Variants in TMEM132B observed in about 807,000 individuals in gnomAD.
TMEM132B encodes transmembrane protein 132B.
In TMEM132B, 18 loss-of-function variants were observed where a neutral mutation model predicts 90.8. The ratio of observed to expected loss-of-function variants is 0.20; its 90% CI spans 0.14 to 0.29. The LOEUF (loss-of-function observed/expected upper bound fraction) is 0.29. Ranked by LOEUF, TMEM132B falls within the 10% of genes least tolerant of loss-of-function variation. The pLI, the probability that TMEM132B is intolerant of heterozygous loss-of-function variation, is 1.00. For synonymous variants in TMEM132B, 504 were observed against 523.3 expected (o/e 0.96, Z 0.50); for missense variants, 1,096 against 1,326.8 (o/e 0.83, Z 2.70).
chr12:125,405,358 C>T (rs1321608337), intron 2 of TMEM132B, among the ~76,000 whole-genome samples: 1 of 152,114 alleles, frequency 6.6e-6, no homozygotes, highest in East Asian at 1.9e-4. Context: ...GATTTACAGC[C>T]CACCCTAAAT....
intron 3 of TMEM132B, among the ~76,000 whole-genome samples, chr12:125,478,915 G>A (rs955956063): frequency 3.3e-5 from 5 of 152,154 alleles, no homozygotes; most frequent in South Asian, 2.1e-4. Context: ...CAGATCTCTC[G>A]GCAGAAACCC....
At chr12:125,647,137 G>A (rs1886784473) in intron 6 of TMEM132B, among the ~76,000 whole-genome samples, 1 of 152,170 alleles carries the variant, frequency 6.6e-6, no homozygotes, top group African/African-American at 2.4e-5. Flanking sequence ...CCTGAGGACA[G>A]ACAATGCAAT....
chr12:125,204,368 G>A lies in TMEM132B; in HGVS notation c.67+17502G>A, dbSNP rs554011376. Among the ~76,000 whole-genome samples the A allele has an allele frequency of 4.1e-4, 54 of 130,494 alleles. 11 individuals carry two copies. The Middle Eastern group carries it at 0.022, about 53-fold the overall frequency. 85.6% of individuals were successfully genotyped at this position (130,494 alleles called of 152,430 possible). On this transcript the variant is annotated intron_variant, in intron 1 of 8. Transcript: ENST00000682704. ...ATATCTCGTGAATCCTTTTGGTGAGGGCTCCATGTACCCAGGCACTCTGCT... is the reference window on the plus strand; with the variant it reads ...ATATCTCGTGAATCCTTTTGGTGAGAGCTCCATGTACCCAGGCACTCTGCT...
intron 7 of TMEM132B, among the ~76,000 whole-genome samples, chr12:125,651,483 ATTTC>A (rs2137049476): frequency 6.6e-6 from 1 of 152,368 alleles, no homozygotes; most frequent in South Asian, 2.1e-4. Flanking sequence ...GGTGCAGAAT[ATTTC>A]TTTATACAAA....
At chr12:125,631,455 A>G (rs1159252641) in intron 5 of TMEM132B, among the ~76,000 whole-genome samples, 2 of 152,136 alleles carry the variant, frequency 1.3e-5, no homozygotes, top group Admixed American at 1.3e-4. Flanking sequence ...AGAAGAATGT[A>G]TATTCTGCAG....
intron 3 of TMEM132B, among the ~76,000 whole-genome samples, chr12:125,509,329 G>C (rs1281569787): frequency 6.6e-6 from 1 of 152,172 alleles, no homozygotes; most frequent in African/African-American, 2.4e-5. Flanking sequence ...TATGGGTACC[G>C]TTCACCACTT....
chr12:125,550,581 T>C (rs1014902447), intron 4 of TMEM132B, among the ~76,000 whole-genome samples: 1 of 152,218 alleles, frequency 6.6e-6, no homozygotes, highest in Admixed American at 6.5e-5. Context: ...TTCATATTTT[T>C]CTTTCTGTTT....
At chr12:125,295,659 G>A (rs551671845) in intron 1 of TMEM132B, among the ~76,000 whole-genome samples, 1 of 152,260 alleles carries the variant, frequency 6.6e-6, no homozygotes, top group African/African-American at 2.4e-5. Flanking sequence ...TCTCAATAGT[G>A]TGCCAAAATC....
chr12:125,459,186 T>C lies in TMEM132B; in HGVS notation c.1106+43509T>C, dbSNP rs530815658. Reference sequence around the variant, plus strand: ...TTTGAACACGAGGAGGGGCTGAAACTGGGGCAGCTGGGCAGGCTGCCTCAC... The same window carrying C: ...TTTGAACACGAGGAGGGGCTGAAACCGGGGCAGCTGGGCAGGCTGCCTCAC... On this transcript the variant is annotated intron_variant, in intron 3 of 8. Transcript: ENST00000682704. This position sits in a 1 kb window ranked among gnomAD's most constrained non-coding sequence, Gnocchi z 4.1. Among the ~76,000 whole-genome samples, 2 of 152,276 alleles carry C rather than the reference T, an allele frequency of 1.3e-5. No homozygotes were observed. The highest frequency in any genetic ancestry group is 3.9e-4 in the East Asian group (2 of 5,184).
At chr12:125,272,264 C>T (rs11837957) in intron 1 of TMEM132B, among the ~76,000 whole-genome samples, 6,244 of 152,246 alleles carry the variant, frequency 0.041, 352 homozygotes, top group African/African-American at 0.12. Context: ...CTTTGAATTC[C>T]GAGCTAAAGG....
Position 125,487,993 on chromosome 12 carries a change from C to T in TMEM132B, c.1107-31446C>T, listed in dbSNP as rs1032878055. On this transcript the variant is annotated intron_variant, in intron 3 of 8. Transcript: ENST00000682704. ...TCCATTGTAAACCAGTCCTGATATT[C>T]CCAAGGTGGTCTGGTTGAAGAAGTT... Among the ~76,000 whole-genome samples the T allele has an allele frequency of 4.6e-5, 7 of 152,218 alleles. No individual in the cohort carries two copies. The East Asian group carries it at 1.2e-3, about 25-fold the overall frequency.
chr12:125,625,928 T>C (rs1369744665), intron 5 of TMEM132B, among the ~76,000 whole-genome samples: 2 of 152,248 alleles, frequency 1.3e-5, no homozygotes, highest in South Asian at 4.1e-4. Context: ...TTTTCTGTGC[T>C]TATTTGCTAT....
At chr12:125,292,451 A>T (rs765158600) in intron 1 of TMEM132B, among the ~76,000 whole-genome samples, 4 of 152,240 alleles carry the variant, frequency 2.6e-5, no homozygotes, top group Admixed American at 6.5e-5. Context: ...GAGTTTGGTC[A>T]TGAAAGTAAG....
chr12:125,382,993 A>G (rs1164734206), intron 2 of TMEM132B, among the ~76,000 whole-genome samples: 1 of 152,156 alleles, frequency 6.6e-6, no homozygotes, highest in Non-Finnish European at 1.5e-5. Flanking sequence ...GTTCTTTTTT[A>G]GCAGATTGAT....
rs971391005 is a variant in TMEM132B, at chr12:125,503,095, C to T, written c.1107-16344C>T. On this transcript the variant is annotated intron_variant, in intron 3 of 8. Coordinates refer to ENST00000682704, the MANE Select transcript of TMEM132B (RefSeq NM_001366854.1). ...GCTGTCCAACATCAGTGAGAGCAGA[C>T]GAATTATTGCCTTAAGACGGAGAAG... 4.6e-5 allele frequency among the ~76,000 whole-genome samples: 7 copies of T among 152,310 alleles called. No individual in the cohort carries two copies. The South Asian group carries it at 6.2e-4, about 14-fold the overall frequency.
chr12:125,385,985 T>C (rs2136293562), intron 2 of TMEM132B, among the ~76,000 whole-genome samples: 1 of 152,262 alleles, frequency 6.6e-6, no homozygotes, highest in Middle Eastern at 3.4e-3. Flanking sequence ...AGTGCTTGTT[T>C]GCTTGTTTGT....
At chr12:125,290,627 A>G (rs1165189100) in intron 1 of TMEM132B, among the ~76,000 whole-genome samples, 5 of 152,222 alleles carry the variant, frequency 3.3e-5, no homozygotes, top group Non-Finnish European at 5.9e-5. Flanking sequence ...GTGCTGATCT[A>G]TATTGCTGTA....
At chr12:125,421,316 C>G (rs1425362506) in intron 3 of TMEM132B, among the ~76,000 whole-genome samples, 2 of 152,316 alleles carry the variant, frequency 1.3e-5, no homozygotes, top group East Asian at 3.9e-4. Flanking sequence ...GGAAAGAGGT[C>G]TAATTGACTT....
At chr12:125,505,151 T>A (rs1375878698) in intron 3 of TMEM132B, among the ~76,000 whole-genome samples, 3 of 62,852 alleles carry the variant, frequency 4.8e-5, no homozygotes, top group African/African-American at 1.4e-4. Flanking sequence ...AAAATGAGAC[T>A]CACACACCAG....
Sources: gnomAD v4.1 joint callset for allele counts (sites outside exome capture counted in the v4.1 genomes callset) on GRCh38, gnomAD v4.1.1 for gene constraint, Gnocchi (gnomAD v3.1) non-coding constraint, MANE v1.5 for transcripts, NCBI Gene and HGNC (gene_info 2026-07-23, HGNC 2026-07-21) for gene names.